Variants in PCDH9 observed in about 807,000 individuals in gnomAD.
PCDH9 encodes protocadherin 9.
A neutral mutation model predicts 70.6 loss-of-function variants in PCDH9; 24 were observed. That is an observed-to-expected ratio of 0.34 (90% CI 0.25 to 0.48). The LOEUF (loss-of-function observed/expected upper bound fraction) is 0.48. Ranked by LOEUF, PCDH9 falls within the 20% of genes least tolerant of loss-of-function variation. The pLI, the probability that PCDH9 is intolerant of heterozygous loss-of-function variation, is 0.99. For synonymous variants in PCDH9, 562 were observed against 558.5 expected (o/e 1.01, Z -0.09); for missense variants, 1,281 against 1,503.6 (o/e 0.85, Z 2.45).
At chr13:66,364,851 A>G (rs1956527800) in intron 4 of PCDH9, among the ~76,000 whole-genome samples, 1 of 152,162 alleles carries the variant, frequency 6.6e-6, no homozygotes, top group African/African-American at 2.4e-5. Context: ...AACAGGAGAG[A>G]GCATAATTGT....
intron 4 of PCDH9, among the ~76,000 whole-genome samples, chr13:66,550,792 C>A (rs1423318217): frequency 6.6e-6 from 1 of 152,142 alleles, no homozygotes; most frequent in East Asian, 1.9e-4. Flanking sequence ...ATGATGCCAA[C>A]TAAATAGGCT....
intron 4 of PCDH9, among the ~76,000 whole-genome samples, chr13:66,380,536 CTTTTTTT>C (rs59830525): frequency 2.6e-4 from 14 of 53,394 alleles, no homozygotes; most frequent in Non-Finnish European, 4.9e-4. Context: ...AGATCTTGTC[CTTTTTTT>C]TTTTTTTTTT....
chr13:66,332,109 C>T (rs962770074), intron 4 of PCDH9, among the ~76,000 whole-genome samples: 2 of 152,058 alleles, frequency 1.3e-5, no homozygotes, highest in African/African-American at 4.8e-5. Context: ...CTCTCAGTGG[C>T]CCCACTAAGA....
chr13:67,046,947 T>C (rs1031648260), intron 2 of PCDH9, among the ~76,000 whole-genome samples: 7 of 152,190 alleles, frequency 4.6e-5, no homozygotes, highest in African/African-American at 1.4e-4. Context: ...GAACAGATGA[T>C]TTCAGTATAA....
chr13:66,768,286 A>C lies in PCDH9; in HGVS notation c.3138+135218T>G, dbSNP rs17081760. ...AAGAATTGAACTAAATTTATAACTCATATGATTAGCCAGGTTTTCCAGAAA... is the reference window on the plus strand; with the variant it reads ...AAGAATTGAACTAAATTTATAACTCCTATGATTAGCCAGGTTTTCCAGAAA... On this transcript the variant is annotated intron_variant, in intron 3 of 4. Coordinates refer to ENST00000377865, the MANE Select transcript of PCDH9 (RefSeq NM_203487.3). 3.8e-3 allele frequency among the ~76,000 whole-genome samples: 573 copies of C among 152,202 alleles called. 21 individuals are homozygous for C. The East Asian group carries it at 0.087, about 23-fold the overall frequency.
At chr13:66,407,391 C>G (rs932192538) in intron 4 of PCDH9, among the ~76,000 whole-genome samples, 4 of 152,134 alleles carry the variant, frequency 2.6e-5, no homozygotes, top group Non-Finnish European at 4.4e-5. Context: ...AATAGCCTTT[C>G]TTTGTTATTC....
intron 3 of PCDH9, among the ~76,000 whole-genome samples, chr13:66,851,644 T>A (rs1006372571): frequency 6.6e-6 from 1 of 151,856 alleles, no homozygotes; most frequent in African/African-American, 2.4e-5. Flanking sequence ...AGCAAGTTAT[T>A]AGGTTGGTGC....
intron 3 of PCDH9, among the ~76,000 whole-genome samples, chr13:66,727,918 TGTC>T (rs1216002049): frequency 6.6e-6 from 1 of 152,146 alleles, no homozygotes; most frequent in African/African-American, 2.4e-5. Flanking sequence ...ACTTCTAAGA[TGTC>T]GTAGTGGCAA....
chr13:66,673,480 G>C (rs2078204620), intron 3 of PCDH9, among the ~76,000 whole-genome samples: 1 of 152,094 alleles, frequency 6.6e-6, no homozygotes. Context: ...CACAGAGACA[G>C]ACACACAGAG....
intron 2 of PCDH9, among the ~76,000 whole-genome samples, chr13:66,990,598 A>T (rs953078070): frequency 9.4e-5 from 14 of 149,638 alleles, no homozygotes; most frequent in Non-Finnish European, 1.5e-4. Context: ...ATATAAAACA[A>T]ATATATACAT....
chr13:66,708,407 T>C (rs866737428), intron 3 of PCDH9, among the ~76,000 whole-genome samples: 13 of 150,946 alleles, frequency 8.6e-5, no homozygotes, highest in Middle Eastern at 3.2e-3. Flanking sequence ...GATTTAGTTT[T>C]TTTTTTTTTT....
intron 4 of PCDH9, among the ~76,000 whole-genome samples, chr13:66,588,106 G>A (rs757590788): frequency 3.3e-5 from 5 of 151,954 alleles, no homozygotes; most frequent in Non-Finnish European, 7.4e-5. Context: ...ATCATTTCTA[G>A]CTTGACAGAA....
In PCDH9 at chr13:66,905,938, G is replaced by T. The variant is rs115089354; in HGVS notation, c.3037-2333C>A. Among the ~76,000 whole-genome samples, 1,250 of 152,078 alleles carry T rather than the reference G, an allele frequency of 8.2e-3. 14 individuals carry two copies. The highest frequency in any genetic ancestry group is 0.029 in the African/African-American group (1,195 of 41,520). Reference sequence around the variant, plus strand: ...CTACTGTACCATATCTCCCTTAATGGGTTCATCTATAACTCATTCATTCAC... The same window carrying T: ...CTACTGTACCATATCTCCCTTAATGTGTTCATCTATAACTCATTCATTCAC... On this transcript the variant is annotated intron_variant, in intron 2 of 4. Coordinates refer to ENST00000377865, the MANE Select transcript of PCDH9 (RefSeq NM_203487.3).
chr13:66,679,536 AT>A (rs1265190808), intron 3 of PCDH9, among the ~76,000 whole-genome samples: 2 of 150,910 alleles, frequency 1.3e-5, no homozygotes, highest in Non-Finnish European at 1.5e-5. Context: ...TGTGTGTTTA[AT>A]TTTTTTTTGC....
At chr13:66,585,168 G>C (rs1476981518) in intron 4 of PCDH9, among the ~76,000 whole-genome samples, 10 of 152,168 alleles carry the variant, frequency 6.6e-5, no homozygotes, top group Non-Finnish European at 1.3e-4. Flanking sequence ...ATAGGCATGT[G>C]ACCTGTGGTG....
chr13:66,389,537 G>A (rs1373507885), intron 4 of PCDH9, among the ~76,000 whole-genome samples: 1 of 152,142 alleles, frequency 6.6e-6, no homozygotes, highest in Admixed American at 6.5e-5. Context: ...AACTTTAATG[G>A]TATATAAATA....
intron 4 of PCDH9, among the ~76,000 whole-genome samples, chr13:66,361,543 A>G (rs372227529): frequency 1.0e-3 from 157 of 152,180 alleles, no homozygotes; most frequent in Middle Eastern, 0.01. Flanking sequence ...CTAAGATGTC[A>G]TTCATTTGAT....
chr13:66,858,640 C>A (rs959390248), intron 3 of PCDH9, among the ~76,000 whole-genome samples: 1 of 152,108 alleles, frequency 6.6e-6, no homozygotes, highest in African/African-American at 2.4e-5. Flanking sequence ...ATCTTTGAAG[C>A]CTTCTCTGCC....
intron 2 of PCDH9, among the ~76,000 whole-genome samples, chr13:67,002,209 T>G (rs2084259957): frequency 6.6e-6 from 1 of 152,116 alleles, no homozygotes; most frequent in Non-Finnish European, 1.5e-5. Flanking sequence ...AGAAAAATAT[T>G]TATTATTAAA....
Sources: gnomAD v4.1 joint callset for allele counts (sites outside exome capture counted in the v4.1 genomes callset) on GRCh38, gnomAD v4.1.1 for gene constraint, MANE v1.5 for transcripts, NCBI Gene and HGNC (gene_info 2026-07-23, HGNC 2026-07-21) for gene names.